Variants in CSGALNACT1 observed in about 807,000 individuals in gnomAD.
The protein encoded by CSGALNACT1 is chondroitin sulfate N-acetylgalactosaminyltransferase 1, also known as beta4GalNAcT-1.
CSGALNACT1 carries 52 observed loss-of-function variants against 51.0 expected under a neutral mutation model. The ratio of observed to expected loss-of-function variants is 1.02; its 90% CI spans 0.82 to 1.29. The LOEUF (loss-of-function observed/expected upper bound fraction) is 1.29. Among genes scored for constraint, CSGALNACT1 ranks in the 50% most tolerant of loss-of-function variants. The pLI is 0.00. For synonymous variants in CSGALNACT1, 341 were observed against 254.4 expected, an observed-to-expected ratio of 1.34 and a Z score of -3.24; for missense variants, 935 against 679.2, an observed-to-expected ratio of 1.38 and a Z score of -4.19.
At chr8:19,631,026 G>GTC (rs2055180507) in intron 1 of CSGALNACT1, among the ~76,000 whole-genome samples, 1 of 152,146 alleles carries the variant, frequency 6.6e-6, no homozygotes, top group South Asian at 2.1e-4. Flanking sequence ...ATTGTATAAT[G>GTC]ATATGTATCT....
chr8:19,509,336 T>C (rs1283916929), intron 3 of CSGALNACT1, among the ~76,000 whole-genome samples: 1 of 151,944 alleles, frequency 6.6e-6, no homozygotes, highest in Non-Finnish European at 1.5e-5. Flanking sequence ...AAAGTGGGTG[T>C]TGGCCGGGCA....
At chr8:19,625,591 G>A (rs1199767971) in intron 1 of CSGALNACT1, among the ~76,000 whole-genome samples, 2 of 152,100 alleles carry the variant, frequency 1.3e-5, no homozygotes, top group African/African-American at 2.4e-5. Flanking sequence ...ATCCAGGGCT[G>A]GAGTATAGGA....
chr8:19,596,477 A>G (rs1367886867), intron 2 of CSGALNACT1, among the ~76,000 whole-genome samples: 1 of 152,162 alleles, frequency 6.6e-6, no homozygotes, highest in Non-Finnish European at 1.5e-5. Context: ...TTTAAGTATC[A>G]TACAAGTATT....
At chr8:19,423,641 G>C (rs563413163) in intron 6 of CSGALNACT1, among the ~76,000 whole-genome samples, 1 of 152,246 alleles carries the variant, frequency 6.6e-6, no homozygotes, top group African/African-American at 2.4e-5. Context: ...ACCTTAATTT[G>C]GAAGAACTTT....
chr8:19,481,762 G>T (rs1313174590), intron 4 of CSGALNACT1, among the ~76,000 whole-genome samples: 2 of 152,154 alleles, frequency 1.3e-5, no homozygotes, highest in Admixed American at 1.3e-4. Context: ...TATACCACAG[G>T]TGACAGGACT....
chr8:19,750,256 C>T (rs941414065), intron 1 of CSGALNACT1, among the ~76,000 whole-genome samples: 11 of 152,194 alleles, frequency 7.2e-5, no homozygotes, highest in Admixed American at 3.3e-4. Flanking sequence ...TCCTCTTTGG[C>T]CAGCTTAGGT....
Position 19,415,665 on chromosome 8 carries a change from C to T in CSGALNACT1, c.1227+2991G>A, listed in dbSNP as rs539659198. On this transcript the variant is annotated intron_variant, in intron 8 of 9. Coordinates refer to ENST00000454498, the Ensembl canonical transcript of CSGALNACT1. Reference sequence around the variant, plus strand: ...TTGGATTGTAAAACGAAAACAATTCCTTGCAAGCAAATAAGGTCTTTATGA... The same window carrying T: ...TTGGATTGTAAAACGAAAACAATTCTTTGCAAGCAAATAAGGTCTTTATGA... Among the ~76,000 whole-genome samples the T allele has an allele frequency of 7.9e-5, 12 of 152,290 alleles. No homozygotes were observed. The South Asian group carries it at 2.5e-3, about 32-fold the overall frequency.
At chr8:19,638,782 A>G (rs531751999) in intron 1 of CSGALNACT1, among the ~76,000 whole-genome samples, 2 of 152,186 alleles carry the variant, frequency 1.3e-5, no homozygotes, top group African/African-American at 4.8e-5. Flanking sequence ...CCCCACCAAG[A>G]AAGAGCTGAA....
chr8:19,719,253 G>A (rs1340040210), intron 1 of CSGALNACT1, among the ~76,000 whole-genome samples: 1 of 152,110 alleles, frequency 6.6e-6, no homozygotes, highest in East Asian at 1.9e-4. Context: ...CACATTGCAT[G>A]CATTTTTTTG....
chr8:19,481,729 T>A (rs768037091), intron 4 of CSGALNACT1, among the ~76,000 whole-genome samples: 2 of 152,148 alleles, frequency 1.3e-5, no homozygotes, highest in Admixed American at 6.5e-5. Context: ...TAGAAAAAAG[T>A]GCTGAGCTCA....
chr8:19,594,237 T>C (rs62494467), intron 2 of CSGALNACT1, among the ~76,000 whole-genome samples: 4 of 152,004 alleles, frequency 2.6e-5, no homozygotes, highest in African/African-American at 9.7e-5. Flanking sequence ...AAGAAACAGC[T>C]AGAGGTGTAT....
At chr8:19,634,978 T>C (rs974703960) in intron 1 of CSGALNACT1, among the ~76,000 whole-genome samples, 2 of 152,248 alleles carry the variant, frequency 1.3e-5, no homozygotes, top group African/African-American at 4.8e-5. Context: ...GAGTCAGGAC[T>C]CTGTCATATC....
intron 2 of CSGALNACT1, among the ~76,000 whole-genome samples, chr8:19,596,908 C>A (rs984047841): frequency 1.3e-5 from 2 of 152,168 alleles, no homozygotes; most frequent in African/African-American, 4.8e-5. Context: ...CAGTTTTCTA[C>A]TGCTAAATTC....
intron 3 of CSGALNACT1, among the ~76,000 whole-genome samples, chr8:19,544,642 T>A (rs551761042): frequency 2.0e-5 from 3 of 152,318 alleles, no homozygotes; most frequent in South Asian, 4.1e-4. Flanking sequence ...AAATATTTTG[T>A]TATAATTCTT....
At chr8:19,712,239 A>T (rs1377392573) in intron 1 of CSGALNACT1, among the ~76,000 whole-genome samples, 1 of 151,992 alleles carries the variant, frequency 6.6e-6, no homozygotes, top group Non-Finnish European at 1.5e-5. Flanking sequence ...GTTAGCCAGG[A>T]TGGTCTCGAT....
intron 8 of CSGALNACT1, among the ~76,000 whole-genome samples, chr8:19,409,286 G>C (rs1433066179): frequency 6.6e-6 from 1 of 152,208 alleles, no homozygotes; most frequent in African/African-American, 2.4e-5. Flanking sequence ...AAGGGCACTA[G>C]AAGTCCAGCT....
intron 6 of CSGALNACT1, among the ~76,000 whole-genome samples, chr8:19,422,539 G>T (rs1336090327): frequency 6.6e-6 from 1 of 152,220 alleles, no homozygotes; most frequent in Non-Finnish European, 1.5e-5. Flanking sequence ...TACATTTGCA[G>T]GGATTCTCTT....
chr8:19,406,144 AC>A, intron 9 of CSGALNACT1, 75 bp from the exon 9 acceptor site: 2 of 1,545,348 alleles, frequency 1.3e-6, no homozygotes, highest in Middle Eastern at 4.3e-4. Context: ...ACAAGCACAA[AC>A]TTTTCATTAA....
intron 4 of CSGALNACT1, among the ~76,000 whole-genome samples, chr8:19,478,210 C>A (rs139172624): frequency 1.3e-5 from 2 of 151,376 alleles, no homozygotes; most frequent in Non-Finnish European, 2.9e-5. Context: ...GTCAGGAGAT[C>A]GAGACCATCC....
Sources: allele counts gnomAD v4.1 joint callset (sites outside exome capture counted in the v4.1 genomes callset), GRCh38; gene constraint gnomAD v4.1.1; transcripts MANE v1.5; gene names NCBI Gene and HGNC (gene_info 2026-07-23, HGNC 2026-07-21).